PRKN: variants seen among roughly 807,000 people sequenced by gnomAD.
The protein encoded by PRKN is E3 ubiquitin-protein ligase parkin.
PRKN carries 56 observed loss-of-function variants against 59.5 expected under a neutral mutation model. That is an observed-to-expected ratio of 0.94 (90% CI 0.76 to 1.18). The LOEUF (loss-of-function observed/expected upper bound fraction) is 1.18, where lower values mean the gene tolerates loss of function less well. Ranked by LOEUF, PRKN falls within the 50% of genes most tolerant of loss-of-function variation. The pLI is 0.00. For missense variants in PRKN, 657 were observed against 596.4 expected (o/e 1.10, Z -1.06); for synonymous variants, 250 against 222.1 (o/e 1.13, Z -1.12).
Position 162,443,338 on chromosome 6 carries a change from T to C in PRKN, c.143A>G (p.Lys48Arg). 1 of 1,612,806 alleles carries C rather than the reference T, an allele frequency of 6.2e-7. No individual in the cohort carries two copies. Among genetic ancestry groups the C allele is most frequent in the Non-Finnish European group, 8.5e-7 (1 of 1,179,990 alleles). ...ADQLRVIFAG[K>R]ELRNDWTVQN... is the part of the protein sequence containing the mutation. ...CACAGTCCAGTCATTCCTCAGCTCCTTCCCTGCGAAAATCACACGCAACTG... is the reference window on the plus strand; with the variant it reads ...CACAGTCCAGTCATTCCTCAGCTCCCTCCCTGCGAAAATCACACGCAACTG... The change falls in exon 2 of 12, where the codon AAG becomes AGG. Residue 48 changes from lysine (K) to arginine (R), a missense_variant. Coordinates refer to ENST00000366898, the MANE Select transcript of PRKN (RefSeq NM_004562.3).
At chr6:162,110,552 G>A (rs1780386726) in intron 4 of PRKN, among the ~76,000 whole-genome samples, 1 of 152,084 alleles carries the variant, frequency 6.6e-6, no homozygotes, top group Admixed American at 6.6e-5. Context: ...CTGGTTTTTT[G>A]GAAACCACAA....
chr6:162,547,147 G>A (rs894304675), intron 1 of PRKN, among the ~76,000 whole-genome samples: 9 of 152,112 alleles, frequency 5.9e-5, no homozygotes, highest in African/African-American at 1.9e-4. Flanking sequence ...CTGGTTTAAT[G>A]AGTCTTGCCT....
chr6:162,140,990 C>T lies in PRKN; in HGVS notation c.534+60141G>A, dbSNP rs925719356. On this transcript the variant is annotated intron_variant, in intron 4 of 11. Transcript: ENST00000366898. ...AAAAAACACACAAAAAGTAGCCAGG[C>T]GTTGTGGCGGGCGCTTATAGTCCCA... Among the ~76,000 whole-genome samples, 13 of 151,970 alleles carry T rather than the reference C, an allele frequency of 8.6e-5. No individual in the cohort carries two copies. The East Asian group carries it at 1.4e-3, about 16-fold the overall frequency.
chr6:162,177,232 A>T (rs1057322264), intron 4 of PRKN, among the ~76,000 whole-genome samples: 3 of 152,220 alleles, frequency 2.0e-5, no homozygotes, highest in Non-Finnish European at 4.4e-5. Flanking sequence ...AAAAATTTTT[A>T]AAAATAGAAC....
intron 1 of PRKN, among the ~76,000 whole-genome samples, chr6:162,648,159 C>T (rs570843349): frequency 6.6e-6 from 1 of 152,096 alleles, no homozygotes; most frequent in South Asian, 2.1e-4. Context: ...TATTAAATAT[C>T]ACATGTAACT....
At chr6:162,503,391 C>T (rs564895651) in intron 1 of PRKN, among the ~76,000 whole-genome samples, 121 of 152,004 alleles carry the variant, frequency 8.0e-4, no homozygotes, top group Admixed American at 2.8e-3. Flanking sequence ...CATCAACCCC[C>T]GACCTCAGGA....
At chr6:161,794,963 C>A (rs1028994657) in intron 6 of PRKN, among the ~76,000 whole-genome samples, 4 of 148,318 alleles carry the variant, frequency 2.7e-5, no homozygotes, top group Non-Finnish European at 4.5e-5. Flanking sequence ...CAGCTCACTG[C>A]AAGCTCCGCC....
intron 2 of PRKN, among the ~76,000 whole-genome samples, chr6:162,338,741 C>T (rs1309945726): frequency 6.6e-6 from 1 of 151,790 alleles, no homozygotes; most frequent in African/African-American, 2.4e-5. Flanking sequence ...AGCCCCTCTG[C>T]CCGGCTGCCC....
intron 2 of PRKN, among the ~76,000 whole-genome samples, chr6:162,413,012 A>G (rs1388928091): frequency 6.6e-6 from 1 of 152,166 alleles, no homozygotes; most frequent in Non-Finnish European, 1.5e-5. Context: ...TTGTGTGATA[A>G]ACCTGATACC....
intron 6 of PRKN, among the ~76,000 whole-genome samples, chr6:161,847,029 G>A (rs1171056881): frequency 2.6e-5 from 4 of 152,168 alleles, no homozygotes; most frequent in African/African-American, 9.7e-5. Context: ...TGGTTACTGG[G>A]CCAGGCACGG....
Position 161,579,367 on chromosome 6 carries a change from G to A in PRKN, c.872-9951C>T, listed in dbSNP as rs1470612537. ...GTTAAATAGGGTCTAGAGGGTCAGCGGGGCACCTAATTATCATGGTTAATG... is the reference window on the plus strand; with the variant it reads ...GTTAAATAGGGTCTAGAGGGTCAGCAGGGCACCTAATTATCATGGTTAATG... On this transcript the variant is annotated intron_variant, in intron 7 of 11. Coordinates refer to ENST00000366898, the MANE Select transcript of PRKN (RefSeq NM_004562.3). This position sits in a 1 kb window ranked among gnomAD's most constrained non-coding sequence, Gnocchi z 4.2. Among the ~76,000 whole-genome samples, 3 of 152,092 alleles carry A rather than the reference G, an allele frequency of 2.0e-5. No individual in the cohort carries two copies. The highest frequency in any genetic ancestry group is 4.8e-5 in the African/African-American group (2 of 41,400).
chr6:161,607,644 A>T (rs935691184), intron 7 of PRKN, among the ~76,000 whole-genome samples: 14 of 152,250 alleles, frequency 9.2e-5, no homozygotes, highest in African/African-American at 2.7e-4. Flanking sequence ...AGGAGATGGG[A>T]GATTTAAAGA....
intron 2 of PRKN, among the ~76,000 whole-genome samples, chr6:162,410,659 T>C (rs1788311230): frequency 1.3e-5 from 2 of 152,180 alleles, no homozygotes; most frequent in South Asian, 2.1e-4. Context: ...TCCCTGTCAT[T>C]TACAGGCTGC....
intron 1 of PRKN, among the ~76,000 whole-genome samples, chr6:162,474,524 AGTT>A (rs1477412234): frequency 6.6e-6 from 1 of 152,304 alleles, no homozygotes; most frequent in East Asian, 1.9e-4. Flanking sequence ...ATCACAGGAA[AGTT>A]GTTGTAAAAG....
In PRKN at chr6:161,629,818, C is replaced by T. The variant is rs745697013; in HGVS notation, c.872-60402G>A. 2.0e-5 allele frequency among the ~76,000 whole-genome samples: 3 copies of T among 152,090 alleles called. No homozygotes were observed. In the East Asian group the frequency reaches 5.8e-4, roughly 29 times the overall value. ...GTGGAGCAGACCTAAAATCTTGGGGCGATAGTGGTTACCTAGTGACCCACA... is the reference window on the plus strand; with the variant it reads ...GTGGAGCAGACCTAAAATCTTGGGGTGATAGTGGTTACCTAGTGACCCACA... On this transcript the variant is annotated intron_variant, in intron 7 of 11. Transcript: ENST00000366898.
intron 5 of PRKN, among the ~76,000 whole-genome samples, chr6:162,048,582 C>A (rs373061688): frequency 1.2e-4 from 18 of 152,236 alleles, no homozygotes; most frequent in African/African-American, 4.3e-4. Context: ...TCCCCCAGTA[C>A]ACATACAAAC....
At chr6:162,163,383 A>G (rs552282146) in intron 4 of PRKN, among the ~76,000 whole-genome samples, 1 of 149,736 alleles carries the variant, frequency 6.7e-6, no homozygotes, top group African/African-American at 2.5e-5. Context: ...TAGTATTAAT[A>G]GAAGCTTCTA....
chr6:162,669,215 C>G (rs1779225893), intron 1 of PRKN, among the ~76,000 whole-genome samples: 1 of 151,308 alleles, frequency 6.6e-6, no homozygotes, highest in Admixed American at 6.6e-5. Context: ...ACTTAAAAAG[C>G]ATGAGGACAT....
chr6:161,426,955 G>A (rs1788394723), intron 9 of PRKN, among the ~76,000 whole-genome samples: 1 of 152,010 alleles, frequency 6.6e-6, no homozygotes, highest in African/African-American at 2.4e-5. Flanking sequence ...TCCTGACCTT[G>A]TGATCTGCCC....
Sources: gnomAD v4.1 joint callset for allele counts (sites outside exome capture counted in the v4.1 genomes callset) on GRCh38, gnomAD v4.1.1 for gene constraint, Gnocchi (gnomAD v3.1) non-coding constraint, MANE v1.5 for transcripts, NCBI Gene and HGNC (gene_info 2026-07-23, HGNC 2026-07-21) for gene names.